The following PXYLP1 variants were observed in gnomAD, a reference collection of about 807,000 sequenced individuals.
PXYLP1 encodes the protein acid phosphatase-like 2.
PXYLP1 carries 17 observed loss-of-function variants against 37.9 expected under a neutral mutation model. That is an observed-to-expected ratio of 0.45 (90% confidence interval 0.31 to 0.67). The LOEUF is 0.67. PXYLP1 is among the 30% of genes least tolerant of loss of function. The probability of loss-of-function intolerance (pLI) is 0.07; values close to 1 mark genes in which losing one functional copy is unlikely to be tolerated. For synonymous variants in PXYLP1, 221 were observed against 232.2 expected, an observed-to-expected ratio of 0.95 and a Z score of 0.44; for missense variants, 511 against 612.0, an observed-to-expected ratio of 0.84 and a Z score of 1.74.
At chr3:141,281,482 C>T (rs879840243) in intron 4 of PXYLP1, among the ~76,000 whole-genome samples, 2 of 152,200 alleles carry the variant, frequency 1.3e-5, no homozygotes, top group Non-Finnish European at 2.9e-5. Flanking sequence ...GCCCGGTGCC[C>T]AGGACACGGC....
intron 1 of PXYLP1, among the ~76,000 whole-genome samples, chr3:141,243,537 C>T (rs1313625985): frequency 6.6e-6 from 1 of 152,238 alleles, no homozygotes; most frequent in Non-Finnish European, 1.5e-5. Flanking sequence ...ATCCTCACAT[C>T]AGGCACGCCC....
chr3:141,281,631 G>C (rs555031037), intron 4 of PXYLP1, among the ~76,000 whole-genome samples: 1 of 152,306 alleles, frequency 6.6e-6, no homozygotes, highest in East Asian at 1.9e-4. Context: ...CCAGAAGAGG[G>C]GCAGCCTGAC....
At chr3:141,233,432 T>C (rs1178696168) in intron 1 of PXYLP1, among the ~76,000 whole-genome samples, 1 of 126,638 alleles carries the variant, frequency 7.9e-6, no homozygotes, top group Non-Finnish European at 1.5e-5. Flanking sequence ...GCCATTGCAC[T>C]CCAGCTTGGG....
intron 2 of PXYLP1, among the ~76,000 whole-genome samples, chr3:141,268,956 G>A (rs1941598397): frequency 6.6e-6 from 1 of 152,228 alleles, no homozygotes; most frequent in Non-Finnish European, 1.5e-5. Flanking sequence ...CCGAGGGGCT[G>A]GACTCCACTG....
At chr3:141,270,992 G>A (rs1262799236) in intron 2 of PXYLP1, among the ~76,000 whole-genome samples, 1 of 152,190 alleles carries the variant, frequency 6.6e-6, no homozygotes, top group Non-Finnish European at 1.5e-5. Context: ...CTGAGCTCAA[G>A]CGATCCTCCT....
At chr3:141,232,118 C>G (rs1333052371) in intron 1 of PXYLP1, 1 of 152,248 alleles carries the variant, frequency 6.6e-6, no homozygotes, top group Non-Finnish European at 1.5e-5. Flanking sequence ...TATCCCCGCG[C>G]TCGCCCCTGA....
intron 2 of PXYLP1, 149 bp downstream of exon 2, chr3:141,260,403 G>A (rs1475080593): frequency 2.3e-6 from 2 of 884,048 alleles, no homozygotes; most frequent in Non-Finnish European, 3.4e-6. Flanking sequence ...CGGTTGCAAG[G>A]AGGGATCCTA....
chr3:141,243,052 G>T (rs1409609713), intron 1 of PXYLP1, among the ~76,000 whole-genome samples: 4 of 152,198 alleles, frequency 2.6e-5, no homozygotes, highest in Non-Finnish European at 4.4e-5. Context: ...GGAGTAAAAG[G>T]CCTGGTCTCA....
chr3:141,275,126 C>T (rs553293160), intron 2 of PXYLP1, among the ~76,000 whole-genome samples: 1 of 152,276 alleles, frequency 6.6e-6, no homozygotes, highest in African/African-American at 2.4e-5. Flanking sequence ...ACAAATAGTA[C>T]AGGGTGATCT....
chr3:141,276,408 G>GT (rs1044241761), intron 2 of PXYLP1, among the ~76,000 whole-genome samples: 284 of 151,998 alleles, frequency 1.9e-3, no homozygotes, highest in African/African-American at 6.6e-3. Flanking sequence ...TTTATGGTTT[G>GT]TTTTTTTTCT....
At chr3:141,270,644 G>C (rs962041799) in intron 2 of PXYLP1, among the ~76,000 whole-genome samples, 1 of 152,162 alleles carries the variant, frequency 6.6e-6, no homozygotes, top group Non-Finnish European at 1.5e-5. Context: ...TGGCAGGACT[G>C]GGGGTGTTTT....
chr3:141,276,066 A>G (rs969142995), intron 2 of PXYLP1, among the ~76,000 whole-genome samples: 5 of 152,228 alleles, frequency 3.3e-5, no homozygotes, highest in African/African-American at 1.2e-4. Flanking sequence ...GTGCGGTAAC[A>G]TGCAGTTCAG....
In PXYLP1 at chr3:141,293,154, G is replaced by C. The variant is rs754091553; in HGVS notation, c.1392G>C (p.Leu464=). ...RFVKRDMFVA[L]GGSGTNYYDA... is the part of the protein sequence containing the mutation. ...TGAAAAGGGACATGTTTGTAGCCCTGGGTGGCAGTGGTACAAATTATTATG... is the reference window on the plus strand; with the variant it reads ...TGAAAAGGGACATGTTTGTAGCCCTCGGTGGCAGTGGTACAAATTATTATG... The change falls in exon 6 of 6, where the codon CTG becomes CTC. Residue 464 remains leucine, a synonymous_variant. Coordinates refer to ENST00000286353, the MANE Select transcript of PXYLP1 (RefSeq NM_001037172.3). 16 of 1,614,092 alleles carry C rather than the reference G, an allele frequency of 9.9e-6. No individual in the cohort carries two copies. The South Asian group carries it at 1.5e-4, about 16-fold the overall frequency.
intron 1 of PXYLP1, among the ~76,000 whole-genome samples, chr3:141,247,398 G>A (rs1288046516): frequency 6.6e-6 from 1 of 152,236 alleles, no homozygotes; most frequent in African/African-American, 2.4e-5. Flanking sequence ...AAATTAATCT[G>A]TTAGAATGAT....
chr3:141,267,853 C>T (rs1055054130), intron 2 of PXYLP1, among the ~76,000 whole-genome samples: 10 of 141,048 alleles, frequency 7.1e-5, no homozygotes, highest in Admixed American at 1.4e-4. Context: ...CTCCCTCCCT[C>T]CCTCTGTCCC....
chr3:141,246,130 G>T (rs1940932320), intron 1 of PXYLP1, among the ~76,000 whole-genome samples: 1 of 152,138 alleles, frequency 6.6e-6, no homozygotes. Context: ...AGCTTGGTGG[G>T]GGGTAGGCTA....
intron 2 of PXYLP1, among the ~76,000 whole-genome samples, chr3:141,263,358 A>G (rs1222719640): frequency 6.6e-6 from 1 of 152,262 alleles, no homozygotes; most frequent in East Asian, 1.9e-4. Flanking sequence ...TTTAATAAAA[A>G]TAAGTCTATG....
At chr3:141,248,636 CACACGTGTATATAT>C (rs1241053027) in intron 1 of PXYLP1, among the ~76,000 whole-genome samples, 4,705 of 111,976 alleles carry the variant, frequency 0.042, 1,086 homozygotes, top group Middle Eastern at 0.077. Context: ...CGTATATATA[CACACGTGTATATAT>C]ACACACGTAT....
At position 141,279,373 on chromosome 3, in the gene PXYLP1, C is replaced by T. The variant is rs1226060777; in HGVS notation, c.239-5C>T. Reference sequence around the variant, plus strand: ...ATAACCAGACAATGTGCTTCTCTCGCGCAGGTCATGCCCCGCATCATTTTA... The same window carrying T: ...ATAACCAGACAATGTGCTTCTCTCGTGCAGGTCATGCCCCGCATCATTTTA... On this transcript the variant is annotated splice_region_variant and splice_polypyrimidine_tract_variant and intron_variant, in intron 3 of 5. Coordinates refer to ENST00000286353, the MANE Select transcript of PXYLP1 (RefSeq NM_001037172.3). 12 of 1,613,988 alleles carry T rather than the reference C, an allele frequency of 7.4e-6. No homozygotes were observed. The South Asian group carries it at 7.7e-5, about 10-fold the overall frequency.
Sources: allele counts gnomAD v4.1 joint callset (sites outside exome capture counted in the v4.1 genomes callset), GRCh38; gene constraint gnomAD v4.1.1; transcripts MANE v1.5; gene names NCBI Gene and HGNC (gene_info 2026-07-23, HGNC 2026-07-21).